KCTD19: variants seen among roughly 807,000 people sequenced by gnomAD.
KCTD19 encodes BTB/POZ domain-containing protein KCTD19.
A neutral mutation model predicts 103.5 loss-of-function variants in KCTD19; 67 were observed. The ratio of observed to expected loss-of-function variants is 0.65; its 90% confidence interval spans 0.53 to 0.79. KCTD19 has a LOEUF of 0.79. Ranked by LOEUF, KCTD19 falls within the 30% of genes least tolerant of loss-of-function variation. KCTD19 has a pLI of 0.00. For synonymous variants in KCTD19, 439 were observed against 452.2 expected (o/e 0.97, Z 0.37); for missense variants, 980 against 1,136.1 (o/e 0.86, Z 1.98).
intron 2 of KCTD19, among the ~76,000 whole-genome samples, chr16:67,312,067 G>A (rs1597398195): frequency 1.3e-5 from 2 of 152,232 alleles, no homozygotes. Flanking sequence ...GAATGAAGGC[G>A]TGTTTGGGTT....
intron 2 of KCTD19, among the ~76,000 whole-genome samples, chr16:67,309,672 G>A (rs2036930017): frequency 1.3e-5 from 2 of 152,162 alleles, no homozygotes; most frequent in Admixed American, 1.3e-4. Flanking sequence ...TAGTGCCTTT[G>A]AACAACTCTA....
intron 5 of KCTD19, chr16:67,299,983 C>T (rs1185848174): frequency 5.4e-6 from 1 of 185,100 alleles, no homozygotes; most frequent in Non-Finnish European, 1.1e-5. Flanking sequence ...ATTCACAGCC[C>T]CTGTTGCTGG....
Position 67,299,579 on chromosome 16 carries a change from T to C in KCTD19, c.776-6A>G. 6.2e-7 allele frequency: 1 copy of C among 1,608,682 alleles called. No homozygotes were observed. Among genetic ancestry groups the C allele is most frequent in the South Asian group, 1.1e-5 (1 of 91,056 alleles). On this transcript the variant is annotated splice_polypyrimidine_tract_variant and splice_region_variant and intron_variant, in intron 5 of 15. Transcript: ENST00000304372. The stretch of plus-strand genomic sequence containing the variant: ...GGTGGTCGGGGAACAGCCACCTGTG[T>C]CAGAGAGAAAGGGGTGACTCCTAGG...
rs556454015 is a variant in KCTD19 at position 67,293,308 on chromosome 16, G to A, written c.2218+236C>T. ...AGCCCTCAGCCTCTTTTGTGCTCCTGCTTCATAGGCACCTCCTTCCCACAG... is the reference window on the plus strand; with the variant it reads ...AGCCCTCAGCCTCTTTTGTGCTCCTACTTCATAGGCACCTCCTTCCCACAG... On this transcript the variant is annotated intron_variant, in intron 12 of 15. Transcript: ENST00000304372. This position sits in a 1 kb window ranked among gnomAD's most constrained non-coding sequence, Gnocchi z 4.0. Among the ~76,000 whole-genome samples the A allele has an allele frequency of 3.3e-5, 5 of 152,228 alleles. No individual in the cohort carries two copies. In the East Asian group the frequency reaches 9.7e-4, roughly 29 times the overall value.
rs780407607 is a variant in KCTD19 at position 67,294,679 on chromosome 16, C to A, written c.1491G>T (p.Glu497Asp). 1 of 1,613,892 alleles carries A rather than the reference C, an allele frequency of 6.2e-7. No individual in the cohort carries two copies. The highest frequency in any genetic ancestry group is 1.7e-5 in the Admixed American group (1 of 60,032). ...AAGCTTCTTCATTTTCAGATTCTTT[C>A]TCCTGAGTCCATGACCTGCAGAAAC... ...QCEAYKSWTQ[E>D]KESENEEAFS... The change falls in exon 11 of 16, where the codon GAG becomes GAT. Residue 497 changes from glutamate (E) to aspartate (D), a missense_variant. By Grantham distance (45) the Glu-to-Asp change is conservative. Transcript: ENST00000304372.
chr16:67,312,578 C>T (rs988581673), intron 2 of KCTD19, among the ~76,000 whole-genome samples: 1 of 152,166 alleles, frequency 6.6e-6, no homozygotes, highest in Non-Finnish European at 1.5e-5. Context: ...TTTACCTTCA[C>T]TTGGATGGTT....
rs138495581 is a variant in KCTD19, at chr16:67,314,799, T to TTATA, written c.300+5786_300+5789dup. On this transcript the variant is annotated intron_variant, in intron 2 of 15. Transcript: ENST00000304372. ...ACATGATGGTTTTTTTCACTTAGCA[T>TTATA]TATATATATATATATATATATATAT... 1.8e-3 allele frequency among the ~76,000 whole-genome samples: 81 copies of TTATA among 45,886 alleles called. 2 individuals are homozygous for TTATA. Among genetic ancestry groups the TTATA allele is most frequent in the Middle Eastern group, 0.025 (1 of 40 alleles). 30.1% of individuals were successfully genotyped at this position (45,886 alleles called of 152,430 possible). A position where few individuals can be genotyped will look rare whatever the true frequency, so the allele number is the denominator to read the frequency against.
intron 2 of KCTD19, among the ~76,000 whole-genome samples, chr16:67,315,351 G>A (rs567036774): frequency 6.6e-6 from 1 of 151,012 alleles, no homozygotes; most frequent in Non-Finnish European, 1.5e-5. Flanking sequence ...TGTTGCCCAG[G>A]CTGGAGTGCC....
At chr16:67,296,314 G>A (rs1167190843) in intron 7 of KCTD19, 55 bp from the exon 8 acceptor site, 14 of 1,113,138 alleles carry the variant, frequency 1.3e-5, no homozygotes, top group Non-Finnish European at 1.9e-5. Context: ...GGGAAAGCAG[G>A]TAGGGCCCTT....
intron 2 of KCTD19, among the ~76,000 whole-genome samples, chr16:67,318,199 CT>C (rs1340091388): frequency 6.6e-6 from 1 of 152,228 alleles, no homozygotes; most frequent in Non-Finnish European, 1.5e-5. Context: ...AATACTTCTA[CT>C]CCTCACACAA....
chr16:67,294,097 C>A lies in KCTD19; in HGVS notation c.1665G>T (p.Leu555=). ...RTPWNKAKGN[L]VRSNQMDEAE... ...CCTCATCCATCTGGTTGGACCTGAC[C>A]AGGTTTCCCTTAGCCTTGTTCCATG... The change falls in exon 12 of 16, where the codon CTG becomes CTT. Residue 555 remains leucine, a synonymous_variant. Transcript: ENST00000304372. The A allele has an allele frequency of 6.2e-7, 1 of 1,613,944 alleles. No homozygotes were observed. The highest frequency in any genetic ancestry group is 8.5e-7 in the Non-Finnish European group (1 of 1,179,838).
At position 67,291,194 on chromosome 16, in the gene KCTD19, TCTC is replaced by T. The variant is rs2036687960; in HGVS notation, c.2565+112_2565+114del. 3.0e-6 allele frequency: 4 copies of T among 1,344,624 alleles called. No individual in the cohort carries two copies. In the African/African-American group the frequency reaches 5.8e-5, roughly 20 times the overall value. 83.3% of individuals were successfully genotyped at this position (1,344,624 alleles called of 1,614,324 possible). Reference sequence around the variant, plus strand: ...CCCACCACTCTTCTGGCCCTGGCCTTCTCCTTAACCCCATCTTGGCTTACTTCC... The same window carrying T: ...CCCACCACTCTTCTGGCCCTGGCCTTCTTAACCCCATCTTGGCTTACTTCC... On this transcript the variant is annotated intron_variant, in intron 14 of 15. Coordinates refer to ENST00000304372, the MANE Select transcript of KCTD19 (RefSeq NM_001100915.3).
At position 67,298,527 on chromosome 16, in the gene KCTD19, C is replaced by T. The variant is rs528036227; in HGVS notation, c.986+836G>A. Among the ~76,000 whole-genome samples, 13 of 152,234 alleles carry T rather than the reference C, an allele frequency of 8.5e-5. No individual in the cohort carries two copies. In the East Asian group the frequency reaches 1.9e-3, roughly 23 times the overall value. On this transcript the variant is annotated intron_variant, in intron 6 of 15. Transcript: ENST00000304372. ...TCAGTCACTGTGTTGCAGCCTGCCACGGTCTTGGAAAAAGGCTGGGGTCTA... is the reference window on the plus strand; with the variant it reads ...TCAGTCACTGTGTTGCAGCCTGCCATGGTCTTGGAAAAAGGCTGGGGTCTA...
chr16:67,319,881 T>C (rs948735454), intron 2 of KCTD19, among the ~76,000 whole-genome samples: 1 of 152,080 alleles, frequency 6.6e-6, no homozygotes, highest in Non-Finnish European at 1.5e-5. Flanking sequence ...TCTTGATAAA[T>C]CTTTTAGATT....
intron 2 of KCTD19, among the ~76,000 whole-genome samples, chr16:67,318,114 G>A (rs2037031693): frequency 6.6e-6 from 1 of 152,150 alleles, no homozygotes; most frequent in African/African-American, 2.4e-5. Flanking sequence ...TTATTTCTTT[G>A]ACAACACCAT....
chr16:67,311,459 C>T (rs746190139), intron 2 of KCTD19, among the ~76,000 whole-genome samples: 4 of 152,188 alleles, frequency 2.6e-5, no homozygotes, highest in South Asian at 2.1e-4. Context: ...CCTGCCACCA[C>T]GCCTGGCTAA....
chr16:67,314,890 T>A (rs112330407), intron 2 of KCTD19, among the ~76,000 whole-genome samples: 11,241 of 126,068 alleles, frequency 0.089, 940 homozygotes, highest in African/African-American at 0.23. Context: ...GGGTCTTGCT[T>A]TGTCACCCAG....
At chr16:67,307,628 A>T (rs2036908382) in intron 2 of KCTD19, among the ~76,000 whole-genome samples, 1 of 151,860 alleles carries the variant, frequency 6.6e-6, no homozygotes, top group Non-Finnish European at 1.5e-5. Flanking sequence ...CAGCCAGCTA[A>T]GTTTTAAGTT....
intron 9 of KCTD19, 59 bp from the exon 10 acceptor site, chr16:67,295,115 A>C: frequency 6.4e-7 from 1 of 1,564,038 alleles, no homozygotes; most frequent in Non-Finnish European, 8.8e-7. Flanking sequence ...GGGAGGGAGC[A>C]TGAGCTCCTG....
Sources: allele counts gnomAD v4.1 joint callset (sites outside exome capture counted in the v4.1 genomes callset), GRCh38; gene constraint gnomAD v4.1.1; non-coding constraint Gnocchi (gnomAD v3.1); transcripts MANE v1.5; gene names NCBI Gene and HGNC (gene_info 2026-07-23, HGNC 2026-07-21).